Variants in THEMIS observed in about 807,000 individuals in gnomAD.
THEMIS encodes thymocyte selection associated, also known as protein THEMIS.
THEMIS carries 37 observed loss-of-function variants against 52.6 expected under a neutral mutation model. The ratio of observed to expected loss-of-function variants is 0.70; its 90% CI spans 0.54 to 0.93. THEMIS has a LOEUF of 0.93. Ranked by LOEUF, THEMIS falls within the 40% of genes least tolerant of loss-of-function variation. THEMIS has a pLI of 0.00. For missense variants in THEMIS, 808 were observed against 763.1 expected (o/e 1.06, Z -0.69); for synonymous variants, 292 against 272.7 (o/e 1.07, Z -0.70).
intron 2 of THEMIS, among the ~76,000 whole-genome samples, chr6:127,836,553 A>G (rs1379265951): frequency 8.5e-5 from 13 of 152,322 alleles, no homozygotes; most frequent in African/African-American, 7.2e-5. Context: ...TAATTTCCCA[A>G]TGTAACCATA....
chr6:127,718,957 C>T (rs1774267957), intron 5 of THEMIS, among the ~76,000 whole-genome samples: 2 of 151,538 alleles, frequency 1.3e-5, no homozygotes, highest in Non-Finnish European at 2.9e-5. Flanking sequence ...AGAAAGCATG[C>T]TAGCTACAAA....
Position 127,799,529 on chromosome 6 carries a change from CTCTTTCTT to C in THEMIS, c.1758+13346_1758+13353del, listed in dbSNP as rs66495087. On this transcript the variant is annotated intron_variant, in intron 4 of 5. Coordinates refer to ENST00000368248, the MANE Select transcript of THEMIS (RefSeq NM_001010923.3). The stretch of plus-strand genomic sequence containing the variant: ...ATTGGTAATCTTTCTTTCTTTCTTT[CTCTTTCTT>C]TCTTTCTTTCTTTCTATCTTTCTTT... Among the ~76,000 whole-genome samples, 837 of 145,860 alleles carry C rather than the reference CTCTTTCTT, an allele frequency of 5.7e-3. 2 individuals are homozygous for C. Among genetic ancestry groups the C allele is most frequent in the Admixed American group, 0.011 (167 of 14,898 alleles).
intron 5 of THEMIS, among the ~76,000 whole-genome samples, chr6:127,711,711 C>A (rs1773988950): frequency 6.6e-6 from 1 of 151,952 alleles, no homozygotes; most frequent in Non-Finnish European, 1.5e-5. Context: ...AGATTTAATT[C>A]CCACTTCTAT....
intron 4 of THEMIS, among the ~76,000 whole-genome samples, chr6:127,773,759 T>C (rs1300256351): frequency 6.6e-6 from 1 of 152,098 alleles, no homozygotes; most frequent in Non-Finnish European, 1.5e-5. Context: ...AATAAATTTA[T>C]GACAGAGAAA....
chr6:127,780,777 A>T (rs1776717031), intron 4 of THEMIS, among the ~76,000 whole-genome samples: 1 of 152,194 alleles, frequency 6.6e-6, no homozygotes, highest in Non-Finnish European at 1.5e-5. Context: ...TGTTAGTCTG[A>T]TAGGCTTCTC....
intron 2 of THEMIS, among the ~76,000 whole-genome samples, chr6:127,843,273 CTCT>C (rs1182862218): frequency 6.6e-5 from 10 of 151,420 alleles, no homozygotes; most frequent in African/African-American, 2.4e-4. Context: ...AAAATATCAC[CTCT>C]TTTTTTTTTT....
At position 127,834,417 on chromosome 6, in the gene THEMIS, CAAA is replaced by C. The variant is rs34484234; in HGVS notation, c.251-4486_251-4484del. On this transcript the variant is annotated intron_variant, in intron 2 of 5. Coordinates refer to ENST00000368248, the MANE Select transcript of THEMIS (RefSeq NM_001010923.3). ...TGAAACCCCGTCTCCACTAAAAATA[CAAA>C]AAAAAAAAAAAAAAAAAGCTGGGCG... Among the ~76,000 whole-genome samples, 154 of 99,424 alleles carry C rather than the reference CAAA, an allele frequency of 1.5e-3. 1 individual carries two copies. Among genetic ancestry groups the C allele is most frequent in the East Asian group, 3.5e-3 (12 of 3,438 alleles). The allele number at this position is 99,424 out of a possible 152,430, so 65.2% of individuals were successfully genotyped here.
At position 127,855,111 on chromosome 6, in the gene THEMIS, T is replaced by C; in HGVS notation, c.169A>G (p.Lys57Glu). The change falls in exon 2 of 6, where the codon AAG (lysine) becomes GAG (glutamate). Residue 57 changes from lysine (K) to glutamate (E), a missense_variant. Physicochemically the swap from Lys to Glu is moderately conservative, Grantham distance 56. Coordinates refer to ENST00000368248, the MANE Select transcript of THEMIS (RefSeq NM_001010923.3). ...EVIKITGLKV[K>E]KIIAEICEQI... ...TCACAAATTTCAGCTATGATCTTCT[T>C]AACTTTGAGACCAGTAATTTTAATC... The C allele has an allele frequency of 6.2e-7, 1 of 1,611,314 alleles. No homozygotes were observed. Among genetic ancestry groups the C allele is most frequent in the Non-Finnish European group, 8.5e-7 (1 of 1,178,494 alleles).
At position 127,855,137 on chromosome 6, in the gene THEMIS, A is replaced by G; in HGVS notation, c.143T>C (p.Val48Ala). The G allele has an allele frequency of 6.2e-7, 1 of 1,609,794 alleles. No homozygotes were observed. The highest frequency in any genetic ancestry group is 1.7e-4 in the Middle Eastern group (1 of 6,036). ...AACTTTGAGACCAGTAATTTTAATC[A>G]CTTCTCCTGTTGAAAAACAGCATTC... Reference protein sequence around the residue: ...GNECCFSTGEVIKITGLKVKK... With the variant: ...GNECCFSTGEAIKITGLKVKK... The change falls in exon 2 of 6, where the codon GTG becomes GCG. Residue 48 changes from valine (V) to alanine (A), a missense_variant. By Grantham distance (64) the Val-to-Ala change is moderately conservative. Transcript: ENST00000368248.
At chr6:127,785,189 C>T (rs1217535916) in intron 4 of THEMIS, among the ~76,000 whole-genome samples, 1 of 149,466 alleles carries the variant, frequency 6.7e-6, no homozygotes, top group African/African-American at 2.5e-5. Context: ...CCTACCTAAT[C>T]TATTATCTAC....
At chr6:127,837,208 T>C (rs2114683754) in intron 2 of THEMIS, among the ~76,000 whole-genome samples, 1 of 151,770 alleles carries the variant, frequency 6.6e-6, no homozygotes, top group Middle Eastern at 3.4e-3. Flanking sequence ...TACCATATCA[T>C]CAAAAACTAA....
At chr6:127,704,315 C>T (rs779440131), downstream of THEMIS, among the ~76,000 whole-genome samples, 9 of 152,046 alleles carry the variant, frequency 5.9e-5, no homozygotes, top group Non-Finnish European at 1.3e-4. Context: ...AGGAGGAAGG[C>T]GGGCTGATAT....
chr6:127,803,081 A>T, intron 4 of THEMIS, among the ~76,000 whole-genome samples: 1 of 152,300 alleles, frequency 6.6e-6, no homozygotes, highest in East Asian at 1.9e-4. Flanking sequence ...AATTCTCTTG[A>T]ATATGTGTCT....
intron 4 of THEMIS, among the ~76,000 whole-genome samples, chr6:127,748,734 A>G (rs1775535347): frequency 6.6e-6 from 1 of 152,128 alleles, no homozygotes; most frequent in African/African-American, 2.4e-5. Context: ...TTTTAATCTC[A>G]GTTCTGTTAC....
At chr6:127,821,263 C>T (rs1778331238) in intron 3 of THEMIS, among the ~76,000 whole-genome samples, 1 of 151,644 alleles carries the variant, frequency 6.6e-6, no homozygotes, top group Non-Finnish European at 1.5e-5. Flanking sequence ...CCAAAAAAGA[C>T]CAAAGAGTAC....
At chr6:127,845,386 G>A (rs1779179614) in intron 2 of THEMIS, among the ~76,000 whole-genome samples, 1 of 151,808 alleles carries the variant, frequency 6.6e-6, no homozygotes, top group Non-Finnish European at 1.5e-5. Flanking sequence ...GAGCAACCTG[G>A]GAAGCATTTA....
intron 4 of THEMIS, among the ~76,000 whole-genome samples, chr6:127,739,498 G>A (rs887855018): frequency 2.6e-5 from 4 of 152,056 alleles, no homozygotes; most frequent in South Asian, 2.1e-4. Flanking sequence ...AAAATTAGCC[G>A]GGTGTGGTGG....
At chr6:127,814,496 A>G (rs1778058410) in intron 3 of THEMIS, among the ~76,000 whole-genome samples, 1 of 152,196 alleles carries the variant, frequency 6.6e-6, no homozygotes, top group Non-Finnish European at 1.5e-5. Flanking sequence ...CAAAATCCTA[A>G]GATACAAGCT....
chr6:127,743,135 A>T (rs987813230), intron 4 of THEMIS, among the ~76,000 whole-genome samples: 2 of 152,170 alleles, frequency 1.3e-5, no homozygotes, highest in Non-Finnish European at 2.9e-5. Flanking sequence ...CAACCTAATA[A>T]GAAATTGGTC....
Sources: gnomAD v4.1 joint callset for allele counts (sites outside exome capture counted in the v4.1 genomes callset) on GRCh38, gnomAD v4.1.1 for gene constraint, MANE v1.5 for transcripts, NCBI Gene and HGNC (gene_info 2026-07-23, HGNC 2026-07-21) for gene names.